ATG7: variants seen among roughly 807,000 people sequenced by gnomAD.
ATG7 encodes the protein autophagy related 7.
In ATG7, 70 loss-of-function variants were observed where a neutral mutation model predicts 82.4. That is an observed-to-expected ratio of 0.85 (90% CI 0.70 to 1.04). The LOEUF (loss-of-function observed/expected upper bound fraction) is 1.04. Among genes scored for constraint, ATG7 ranks in the 50% least tolerant of loss-of-function variants. The probability of loss-of-function intolerance (pLI) is 0.00; values close to 1 mark genes in which losing one functional copy is unlikely to be tolerated. For synonymous variants in ATG7, 287 were observed against 313.0 expected (o/e 0.92, Z 0.88); for missense variants, 792 against 864.3 (o/e 0.92, Z 1.05).
chr3:11,459,653 G>C (rs1283732027), intron 20 of ATG7, among the ~76,000 whole-genome samples: 5 of 152,126 alleles, frequency 3.3e-5, no homozygotes, highest in Non-Finnish European at 7.4e-5. Context: ...CCAGAGTAAT[G>C]GGCTTTGTGG....
chr3:11,413,799 A>G (rs1407363736), intron 19 of ATG7, among the ~76,000 whole-genome samples: 1 of 152,228 alleles, frequency 6.6e-6, no homozygotes, highest in Non-Finnish European at 1.5e-5. Flanking sequence ...TTTGAAAAGC[A>G]GTGGTACTAG....
intron 18 of ATG7, among the ~76,000 whole-genome samples, chr3:11,377,941 A>G (rs1413236114): frequency 6.6e-6 from 1 of 151,704 alleles, no homozygotes; most frequent in African/African-American, 2.4e-5. Flanking sequence ...TGAAATGGTT[A>G]CCACATTCCT....
intron 20 of ATG7, among the ~76,000 whole-genome samples, chr3:11,546,303 C>T (rs1345633690): frequency 1.3e-5 from 2 of 151,210 alleles, no homozygotes; most frequent in African/African-American, 2.4e-5. Context: ...TCCCGAGTAG[C>T]TGGGATTACA....
At chr3:11,560,109 T>C (rs183887796), downstream of ATG7, among the ~76,000 whole-genome samples, 9 of 151,874 alleles carry the variant, frequency 5.9e-5, no homozygotes, top group Non-Finnish European at 8.8e-5. Context: ...CTTCAAGCCC[T>C]GTTCAGATCT....
chr3:11,409,163 C>T (rs1032828331), intron 19 of ATG7, among the ~76,000 whole-genome samples: 1 of 152,176 alleles, frequency 6.6e-6, no homozygotes, highest in Non-Finnish European at 1.5e-5. Context: ...TAAAGTCTAG[C>T]CTACCAGTTA....
intron 20 of ATG7, among the ~76,000 whole-genome samples, chr3:11,437,759 C>T (rs1253494806): frequency 2.0e-5 from 3 of 152,134 alleles, no homozygotes; most frequent in Non-Finnish European, 4.4e-5. Context: ...TATACTTGCT[C>T]GTTTTCTCTT....
intron 3 of ATG7, among the ~76,000 whole-genome samples, chr3:11,289,646 C>T (rs1031326101): frequency 8.5e-5 from 13 of 152,184 alleles, no homozygotes; most frequent in African/African-American, 2.9e-4. Flanking sequence ...CCTCAACCTC[C>T]TGGTGGGCTC....
chr3:11,543,644 A>G (rs2071025519), intron 20 of ATG7, among the ~76,000 whole-genome samples: 1 of 152,052 alleles, frequency 6.6e-6, no homozygotes, highest in Non-Finnish European at 1.5e-5. Context: ...TCATGCCTGT[A>G]CTCCCAGTGC....
chr3:11,387,172 T>C (rs2078383636), intron 19 of ATG7, among the ~76,000 whole-genome samples: 1 of 152,194 alleles, frequency 6.6e-6, no homozygotes, highest in African/African-American at 2.4e-5. Context: ...GGGCTCACTG[T>C]CCACACACAG....
intron 19 of ATG7, among the ~76,000 whole-genome samples, chr3:11,380,974 A>G (rs552788580): frequency 5.1e-4 from 77 of 152,362 alleles, no homozygotes; most frequent in African/African-American, 1.9e-3. Flanking sequence ...TATGGGAAGC[A>G]CAATCCTGAC....
At chr3:11,446,270 A>G (rs1238427236) in intron 20 of ATG7, among the ~76,000 whole-genome samples, 5 of 151,832 alleles carry the variant, frequency 3.3e-5, no homozygotes, top group Non-Finnish European at 5.9e-5. Flanking sequence ...AAAGGTTACT[A>G]TATCCATTTC....
In ATG7 at chr3:11,493,084, G is replaced by C. The variant is rs554805445; in HGVS notation, c.2080-61727G>C. On this transcript the variant is annotated intron_variant, in intron 20 of 20. Transcript: ENST00000693202. ...GGTGGATCCCAAATTGTTGTCCAAT[G>C]CCAAAAAAGAATGAGGTCACGTAGA... 4.6e-5 allele frequency among the ~76,000 whole-genome samples: 7 copies of C among 152,330 alleles called. 1 individual carries two copies. In the South Asian group the frequency reaches 1.4e-3, roughly 32 times the overall value.
chr3:11,426,708 ATTTTAT>A, intron 19 of ATG7, 90 bp from the exon 20 acceptor site: 2 of 1,230,376 alleles, frequency 1.6e-6, no homozygotes, highest in Non-Finnish European at 1.1e-6. Context: ...TCTCATTTTA[ATTTTAT>A]TTTTGACAAG....
intron 19 of ATG7, among the ~76,000 whole-genome samples, chr3:11,401,303 T>C (rs1347517378): frequency 6.6e-6 from 1 of 152,228 alleles, no homozygotes; most frequent in African/African-American, 2.4e-5. Context: ...AACTTTGTTA[T>C]TTTAAGGTTT....
intron 20 of ATG7, among the ~76,000 whole-genome samples, chr3:11,514,551 A>T (rs1195469675): frequency 6.6e-6 from 1 of 152,220 alleles, no homozygotes; most frequent in Non-Finnish European, 1.5e-5. Flanking sequence ...GCACTATGTT[A>T]GTCATAGTCA....
intron 18 of ATG7, among the ~76,000 whole-genome samples, chr3:11,378,706 A>C (rs796094928): frequency 1.5e-4 from 22 of 149,986 alleles, no homozygotes; most frequent in Non-Finnish European, 1.9e-4. Flanking sequence ...AAAAAAAAAA[A>C]AAATTGCTGT....
intron 20 of ATG7, among the ~76,000 whole-genome samples, chr3:11,432,351 G>A (rs2082970577): frequency 6.6e-6 from 1 of 152,160 alleles, no homozygotes; most frequent in African/African-American, 2.4e-5. Flanking sequence ...TGAGAAATGT[G>A]TGTGGTAGAT....
intron 20 of ATG7, among the ~76,000 whole-genome samples, chr3:11,483,098 T>C (rs1450224668): frequency 6.6e-6 from 1 of 152,180 alleles, no homozygotes; most frequent in Non-Finnish European, 1.5e-5. Context: ...TCAGCTATTG[T>C]GGCAAAAAGA....
chr3:11,420,801 G>C (rs890723195), intron 19 of ATG7, among the ~76,000 whole-genome samples: 1 of 148,292 alleles, frequency 6.7e-6, no homozygotes, highest in Non-Finnish European at 1.5e-5. Flanking sequence ...TGTTGCCCAG[G>C]CTGGAGTGCA....
Sources: allele counts gnomAD v4.1 joint callset (sites outside exome capture counted in the v4.1 genomes callset), GRCh38; gene constraint gnomAD v4.1.1; transcripts MANE v1.5; gene names NCBI Gene and HGNC (gene_info 2026-07-23, HGNC 2026-07-21).